TAS2R1: variants seen among roughly 807,000 people sequenced by gnomAD.
TAS2R1 encodes the protein taste 2 receptor member 1, also known as taste receptor type 2 member 1.
For synonymous variants in TAS2R1, 141 were observed against 134.2 expected (o/e 1.05, Z -0.35); for missense variants, 370 against 353.4 (o/e 1.05, Z -0.38).
At chr5:9,678,106 A>T (rs1340099296) in intron 1 of TAS2R1, among the ~76,000 whole-genome samples, 1 of 152,100 alleles carries the variant, frequency 6.6e-6, no homozygotes, top group Non-Finnish European at 1.5e-5. Context: ...CAACCCCATT[A>T]AAAAAATGGG....
At chr5:9,815,428 T>C in the TAS2R1 span, among the ~76,000 whole-genome samples, 2 of 152,176 alleles carry the variant, frequency 1.3e-5, no homozygotes, top group Non-Finnish European at 2.9e-5. Context: ...GATAAGCAGA[T>C]GATAGATGAT....
At chr5:9,644,889 T>C (rs1740158131) in intron 2 of TAS2R1, among the ~76,000 whole-genome samples, 1 of 152,186 alleles carries the variant, frequency 6.6e-6, no homozygotes, top group African/African-American at 2.4e-5. Flanking sequence ...CATGGTTTCC[T>C]AATCTCTTTA....
Position 9,629,222 on chromosome 5 carries a change from A to C in TAS2R1, c.811T>G (p.Ser271Ala). The C allele has an allele frequency of 6.2e-7, 1 of 1,610,286 alleles. No individual in the cohort carries two copies. The highest frequency in any genetic ancestry group is 8.5e-7 in the Non-Finnish European group (1 of 1,178,876). Residue 271 changes from serine (S) to alanine (A), a missense_variant, in exon 1 of 1, where the codon TCT becomes GCT. Transcript: ENST00000382492. ...FFILVIGIYPSGHSLILILGN... is the reference protein window; with the variant it reads ...FFILVIGIYPAGHSLILILGN... ...AAAATTAAGATGAGAGAGTGTCCAG[A>C]AGGGTATATACCAATCACAAGGATG...
At chr5:9,848,706 A>T in the TAS2R1 span, among the ~76,000 whole-genome samples, 1 of 151,690 alleles carries the variant, frequency 6.6e-6, no homozygotes, top group African/African-American at 2.4e-5. Flanking sequence ...CTGTAAATTT[A>T]TACAATTTTT....
the TAS2R1 span, among the ~76,000 whole-genome samples, chr5:9,808,223 A>G: frequency 6.6e-6 from 1 of 152,214 alleles, no homozygotes; most frequent in Non-Finnish European, 1.5e-5. Context: ...TAGAAATATG[A>G]GCCATTCTGA....
At position 9,707,950 on chromosome 5, in the gene TAS2R1, G is replaced by A. The variant is rs1048933016; in HGVS notation, c.-242+4222C>T. 2.0e-5 allele frequency among the ~76,000 whole-genome samples: 3 copies of A among 152,104 alleles called. 1 individual carries two copies. The highest frequency in any genetic ancestry group is 7.2e-5 in the African/African-American group (3 of 41,414). On this transcript the variant is annotated intron_variant, in intron 1 of 2. Coordinates refer to the TAS2R1 transcript ENST00000506620. ...CTCTGCCTGGAGCTTCTTCTCACCAGAGTTTCTGGATGAGCTGACTCATGG... is the reference window on the plus strand; with the variant it reads ...CTCTGCCTGGAGCTTCTTCTCACCAAAGTTTCTGGATGAGCTGACTCATGG...
Position 9,629,470 on chromosome 5 carries a change from A to G in TAS2R1, c.563T>C (p.Leu188Pro). 6.2e-7 allele frequency: 1 copy of G among 1,614,196 alleles called. No homozygotes were observed. Among genetic ancestry groups the G allele is most frequent in the Non-Finnish European group, 8.5e-7 (1 of 1,180,038 alleles). The change falls in exon 1 of 1, where the codon CTT becomes CCT. Residue 188 changes from leucine to proline, a missense_variant. Transcript: ENST00000382492. ...SFVAEFSVPLLIFLFAVLLLI... is the reference protein window; with the variant it reads ...SFVAEFSVPLPIFLFAVLLLI... ...GAGCAAAACAGCAAAAAGGAAGATA[A>G]GCAATGGCACTGAGAACTCAGCAAC...
chr5:9,695,106 G>A (rs183918391), intron 1 of TAS2R1, among the ~76,000 whole-genome samples: 359 of 152,280 alleles, frequency 2.4e-3, no homozygotes, highest in African/African-American at 8.3e-3. Context: ...AAGGAAGAAT[G>A]TTACTGATCT....
At chr5:9,677,371 T>C (rs1420557986) in intron 1 of TAS2R1, among the ~76,000 whole-genome samples, 2 of 151,896 alleles carry the variant, frequency 1.3e-5, no homozygotes, top group Non-Finnish European at 1.5e-5. Context: ...AGTTCACCTA[T>C]GTAACAACAA....
the TAS2R1 span, among the ~76,000 whole-genome samples, chr5:9,736,454 G>A: frequency 2.0e-5 from 3 of 152,206 alleles, no homozygotes; most frequent in African/African-American, 7.2e-5. Context: ...CTGAGAGTAG[G>A]TGGATCAACA....
chr5:9,814,070 G>C, the TAS2R1 span, among the ~76,000 whole-genome samples: 1 of 152,074 alleles, frequency 6.6e-6, no homozygotes, highest in Admixed American at 6.6e-5. Context: ...AATTCAACAT[G>C]ATTCAGCCAT....
chr5:9,749,959 C>G, the TAS2R1 span, among the ~76,000 whole-genome samples: 3 of 152,256 alleles, frequency 2.0e-5, no homozygotes, highest in Admixed American at 6.5e-5. Context: ...CTGGACATAC[C>G]CCTTTGCCTC....
chr5:9,830,605 G>GTGCA, the TAS2R1 span, among the ~76,000 whole-genome samples: 1 of 149,814 alleles, frequency 6.7e-6, no homozygotes, highest in African/African-American at 2.5e-5. Flanking sequence ...ACGTGCGCGC[G>GTGCA]CACACACACA....
At chr5:9,719,918 C>CAA in the TAS2R1 span, among the ~76,000 whole-genome samples, 699 of 63,686 alleles carry the variant, frequency 0.011, 22 homozygotes, top group African/African-American at 0.046. Flanking sequence ...GATTCCGATT[C>CAA]AAAAAAAAAA....
chr5:9,864,063 A>G, the TAS2R1 span, among the ~76,000 whole-genome samples: 1 of 152,242 alleles, frequency 6.6e-6, no homozygotes, highest in Admixed American at 6.5e-5. Context: ...ACTGAATACA[A>G]GTAGGCCAAC....
At chr5:9,738,169 A>G in the TAS2R1 span, among the ~76,000 whole-genome samples, 1 of 152,198 alleles carries the variant, frequency 6.6e-6, no homozygotes, top group African/African-American at 2.4e-5. Flanking sequence ...TCTTCAGGAT[A>G]AACTAGCACA....
the TAS2R1 span, among the ~76,000 whole-genome samples, chr5:9,795,973 C>T: frequency 4.6e-5 from 7 of 152,296 alleles, no homozygotes; most frequent in African/African-American, 9.6e-5. Context: ...CTCACCGAAA[C>T]ATACTGACCT....
chr5:9,835,637 G>A, the TAS2R1 span, among the ~76,000 whole-genome samples: 1 of 152,200 alleles, frequency 6.6e-6, no homozygotes, highest in Non-Finnish European at 1.5e-5. Context: ...CCGCATGAAA[G>A]ACGAGTGATG....
chr5:9,871,819 T>C, the TAS2R1 span, among the ~76,000 whole-genome samples: 2 of 152,132 alleles, frequency 1.3e-5, no homozygotes, highest in African/African-American at 2.4e-5. Flanking sequence ...ATACAAGAAA[T>C]GCCCTGTCCA....
Sources: allele counts gnomAD v4.1 joint callset (sites outside exome capture counted in the v4.1 genomes callset), GRCh38; gene constraint gnomAD v4.1.1; transcripts MANE v1.5; gene names NCBI Gene and HGNC (gene_info 2026-07-23, HGNC 2026-07-21).